NRIP1: variants seen among roughly 807,000 people sequenced by gnomAD.
The protein encoded by NRIP1 is nuclear receptor-interacting protein 1.
Under a neutral mutation model 75.0 loss-of-function variants are expected in NRIP1, and 28 were observed. The ratio of observed to expected loss-of-function variants is 0.37; its 90% confidence interval spans 0.28 to 0.51. The LOEUF (loss-of-function observed/expected upper bound fraction) is 0.51, where lower values mean the gene tolerates loss of function less well. Ranked by LOEUF, NRIP1 falls within the 20% of genes least tolerant of loss-of-function variation. The probability of loss-of-function intolerance (pLI) is 0.92; values close to 1 mark genes in which losing one functional copy is unlikely to be tolerated. For synonymous variants in NRIP1, 526 were observed against 487.6 expected (o/e 1.08, Z -1.04); for missense variants, 1,435 against 1,343.7 (o/e 1.07, Z -1.06).
rs576747356 is a variant in NRIP1 at position 14,967,699 on chromosome 21, C to T, written c.494G>A (p.Ser165Asn). ...CTTCTCCACTTTTAAAGAATCATGA[C>T]TGAGGGCATATCCTTGCTCCTTGAG... is the stretch of plus-strand genomic sequence containing the variant. ...QSLKEQGYAL[S>N]HDSLKVEKDL... The change falls in exon 4 of 4, where the codon AGT becomes AAT. Residue 165 changes from serine (S) to asparagine (N), a missense_variant. By Grantham distance (46) the Ser-to-Asn change is conservative. Transcript: ENST00000318948. 3.1e-4 allele frequency: 494 copies of T among 1,614,136 alleles called. 8 individuals carry two copies. The South Asian group carries it at 4.9e-3, about 16-fold the overall frequency.
intron 3 of NRIP1, among the ~76,000 whole-genome samples, chr21:14,981,565 G>A (rs2142454): frequency 1.3e-5 from 2 of 152,264 alleles, no homozygotes; most frequent in East Asian, 3.9e-4. Flanking sequence ...GACAGAGGCA[G>A]ATTAGCGGTC....
intron 2 of NRIP1, among the ~76,000 whole-genome samples, chr21:15,041,178 A>AT (rs1358663196): frequency 6.6e-6 from 1 of 152,182 alleles, no homozygotes; most frequent in Admixed American, 6.5e-5. Flanking sequence ...GAAAAAACAA[A>AT]TAACATACAC....
At chr21:15,025,315 A>G (rs934606912) in intron 2 of NRIP1, among the ~76,000 whole-genome samples, 2 of 152,234 alleles carry the variant, frequency 1.3e-5, no homozygotes, top group South Asian at 2.1e-4. Flanking sequence ...AAGGAAATAT[A>G]ATTGAAGCCT....
chr21:15,016,100 T>C (rs1024825861), intron 2 of NRIP1, among the ~76,000 whole-genome samples: 1 of 152,220 alleles, frequency 6.6e-6, no homozygotes, highest in Non-Finnish European at 1.5e-5. Context: ...AATGCTATCA[T>C]GGACATGACT....
At chr21:15,006,268 G>A (rs1048781194) in intron 3 of NRIP1, among the ~76,000 whole-genome samples, 1 of 152,170 alleles carries the variant, frequency 6.6e-6, no homozygotes, top group Admixed American at 6.5e-5. Flanking sequence ...GACATTTGAT[G>A]TTTTAGCATT....
At chr21:15,065,563 C>G (rs1978818497), upstream of NRIP1, among the ~76,000 whole-genome samples, 1 of 151,924 alleles carries the variant, frequency 6.6e-6, no homozygotes, top group African/African-American at 2.4e-5. Flanking sequence ...CCCCCTTTCA[C>G]CCACCCACCC....
chr21:15,002,312 C>CA (rs750360803), intron 3 of NRIP1: 3 of 152,184 alleles, frequency 2.0e-5, no homozygotes, highest in Non-Finnish European at 4.4e-5. Context: ...CCCTAATGCC[C>CA]AGGTCCCGAC....
At chr21:14,986,764 C>T (rs531942047) in intron 3 of NRIP1, among the ~76,000 whole-genome samples, 42 of 152,182 alleles carry the variant, frequency 2.8e-4, no homozygotes, top group African/African-American at 8.2e-4. Flanking sequence ...TTTGAACTAA[C>T]GACTTAAACT....
At chr21:15,054,279 A>G (rs1336563512) in intron 1 of NRIP1, among the ~76,000 whole-genome samples, 2 of 152,214 alleles carry the variant, frequency 1.3e-5, no homozygotes, top group African/African-American at 2.4e-5. Flanking sequence ...AATCCAAGGC[A>G]GTTAAGTGTG....
chr21:15,021,796 A>G (rs1309140453), intron 2 of NRIP1, among the ~76,000 whole-genome samples: 1 of 152,230 alleles, frequency 6.6e-6, no homozygotes, highest in African/African-American at 2.4e-5. Context: ...ATAAAAGCTC[A>G]ACATCACTGA....
intron 2 of NRIP1, among the ~76,000 whole-genome samples, chr21:15,027,719 T>C (rs1287972477): frequency 2.6e-5 from 4 of 152,188 alleles, no homozygotes; most frequent in Non-Finnish European, 5.9e-5. Context: ...ACATGAGAAA[T>C]AGGTAAACTG....
At position 14,962,572 on chromosome 21, in the gene NRIP1, C is replaced by A. The variant is rs1454947087; in HGVS notation, c.*2144G>T. 6.6e-6 allele frequency: 1 copy of A among 152,408 alleles called. No individual in the cohort carries two copies. The highest frequency in any genetic ancestry group is 1.5e-5 in the Non-Finnish European group (1 of 67,920). 9.4% of individuals were successfully genotyped at this position (152,408 alleles called of 1,614,324 possible). On this transcript the variant is annotated 3_prime_UTR_variant, in exon 4 of 4. Coordinates refer to ENST00000318948, the MANE Select transcript of NRIP1 (RefSeq NM_003489.4). ...CTGACATACCTCTAAGGCTCCAAAC[C>A]TTCCACAACGATCAAGAAAAATGAC...
At chr21:14,984,789 C>G (rs1450865026) in intron 3 of NRIP1, among the ~76,000 whole-genome samples, 2 of 152,178 alleles carry the variant, frequency 1.3e-5, no homozygotes, top group South Asian at 2.1e-4. Context: ...GCAACCTCCC[C>G]CTGATTCTTC....
At position 14,967,293 on chromosome 21, in the gene NRIP1, A is replaced by G. The variant is rs758761956; in HGVS notation, c.900T>C (p.Ala300=). The part of the protein sequence containing the change: ...ANQAASERLA[A]MARLQENGQK... ...GGCCATTTTCTTGCAATCTGGCCATAGCAGCAAGTCTTTCACTTGCTGCTT... is the reference window on the plus strand; with the variant it reads ...GGCCATTTTCTTGCAATCTGGCCATGGCAGCAAGTCTTTCACTTGCTGCTT... Residue 300 remains alanine (A), a synonymous_variant, in exon 4 of 4, where the codon GCT becomes GCC. Transcript: ENST00000318948. 4 of 1,613,878 alleles carry G rather than the reference A, an allele frequency of 2.5e-6. No individual in the cohort carries two copies. Among genetic ancestry groups the G allele is most frequent in the Non-Finnish European group, 3.4e-6 (4 of 1,179,988 alleles).
At chr21:15,062,634 T>C (rs183040925) in intron 1 of NRIP1, among the ~76,000 whole-genome samples, 3 of 152,368 alleles carry the variant, frequency 2.0e-5, no homozygotes, top group African/African-American at 4.8e-5. Flanking sequence ...ACTTAAATAA[T>C]TGTTCTCTTG....
At chr21:15,053,984 A>C (rs1048996519) in intron 1 of NRIP1, among the ~76,000 whole-genome samples, 4 of 152,190 alleles carry the variant, frequency 2.6e-5, no homozygotes, top group Non-Finnish European at 5.9e-5. Context: ...CTCGTCTAGA[A>C]ATCTCTGAGC....
intron 3 of NRIP1, among the ~76,000 whole-genome samples, chr21:14,979,123 TAAC>T (rs1407538216): frequency 1.7e-4 from 26 of 152,172 alleles, no homozygotes; most frequent in African/African-American, 6.0e-4. Flanking sequence ...AAATAATCAT[TAAC>T]AAATTATTTT....
In NRIP1 at chr21:15,032,433, G is replaced by T. The variant is rs570937659; in HGVS notation, c.-458+11062C>A. Among the ~76,000 whole-genome samples the T allele has an allele frequency of 3.3e-5, 5 of 151,866 alleles. No homozygotes were observed. The East Asian group carries it at 7.7e-4, about 23-fold the overall frequency. ...ACAGTATCTGTAATATACAGTAATT[G>T]TTTAGTTATCAGTAGTTTTAGTAGC... is the stretch of plus-strand genomic sequence containing the variant. On this transcript the variant is annotated intron_variant, in intron 2 of 3. Transcript: ENST00000318948.
At chr21:14,991,439 T>C (rs1285038617) in intron 3 of NRIP1, 1 of 152,018 alleles carries the variant, frequency 6.6e-6, no homozygotes, top group African/African-American at 2.4e-5. Flanking sequence ...GCTTCAGTTA[T>C]TTTACCTCCT....
Sources: gnomAD v4.1 joint callset for allele counts (sites outside exome capture counted in the v4.1 genomes callset) on GRCh38, gnomAD v4.1.1 for gene constraint, MANE v1.5 for transcripts, NCBI Gene and HGNC (gene_info 2026-07-23, HGNC 2026-07-21) for gene names.